TRHDE: variants seen among roughly 807,000 people sequenced by gnomAD.
TRHDE encodes the protein thyrotropin releasing hormone degrading enzyme, also known as thyrotropin-releasing hormone-degrading ectoenzyme.
A neutral mutation model predicts 125.7 loss-of-function variants in TRHDE; 72 were observed. That is an observed-to-expected ratio of 0.57 (90% CI 0.47 to 0.70). The LOEUF (loss-of-function observed/expected upper bound fraction) is 0.70, where lower values mean the gene tolerates loss of function less well. Among genes scored for constraint, TRHDE ranks in the 30% least tolerant of loss-of-function variants. TRHDE has a pLI of 0.00. For synonymous variants in TRHDE, 509 were observed against 509.1 expected (o/e 1.00, Z 0.00); for missense variants, 1,110 against 1,327.1 (o/e 0.84, Z 2.54).
intron 2 of TRHDE, among the ~76,000 whole-genome samples, chr12:72,131,900 G>A (rs551550475): frequency 2.0e-5 from 3 of 152,326 alleles, no homozygotes; most frequent in African/African-American, 7.2e-5. Context: ...AGGAGGCAAG[G>A]CAAGTCACAT....
chr12:72,541,109 A>G lies in TRHDE; in HGVS notation c.1723-1182A>G, dbSNP rs544698209. 2.4e-3 allele frequency among the ~76,000 whole-genome samples: 363 copies of G among 151,678 alleles called. 2 individuals carry two copies. The highest frequency in any genetic ancestry group is 8.3e-3 in the African/African-American group (344 of 41,486). On this transcript the variant is annotated intron_variant, in intron 6 of 18. Transcript: ENST00000261180. The stretch of plus-strand genomic sequence containing the variant: ...CTGAATGATTCTATATGTGATTCTT[A>G]CGATTTTCTTGTAAAAAGAGACATC...
chr12:72,546,803 T>C (rs1869442013), intron 7 of TRHDE, among the ~76,000 whole-genome samples: 1 of 151,606 alleles, frequency 6.6e-6, no homozygotes, highest in South Asian at 2.1e-4. Context: ...AGGGAAGTAA[T>C]ACACAAATTC....
chr12:72,222,731 G>T (rs1878026581), intron 2 of TRHDE, among the ~76,000 whole-genome samples: 1 of 152,098 alleles, frequency 6.6e-6, no homozygotes, highest in African/African-American at 2.4e-5. Flanking sequence ...TTTCAGGATT[G>T]TTCCAGACCC....
intron 2 of TRHDE, among the ~76,000 whole-genome samples, chr12:72,223,977 A>G (rs1878051752): frequency 6.6e-6 from 1 of 151,816 alleles, no homozygotes; most frequent in African/African-American, 2.4e-5. Flanking sequence ...GGCCAGACGT[A>G]AAGGACGGGT....
At chr12:72,135,203 A>G (rs1279470350) in intron 2 of TRHDE, among the ~76,000 whole-genome samples, 4 of 152,200 alleles carry the variant, frequency 2.6e-5, no homozygotes, top group Non-Finnish European at 5.9e-5. Context: ...CAGAGGCGTA[A>G]TCGGAATGAC....
chr12:72,360,887 T>A (rs190114768), intron 2 of TRHDE, among the ~76,000 whole-genome samples: 13 of 151,774 alleles, frequency 8.6e-5, no homozygotes, highest in Non-Finnish European at 2.9e-5. Flanking sequence ...GTTACATAGG[T>A]AAACGTGTGC....
intron 6 of TRHDE, among the ~76,000 whole-genome samples, chr12:72,534,293 G>C (rs1868732417): frequency 6.6e-6 from 1 of 152,188 alleles, no homozygotes; most frequent in African/African-American, 2.4e-5. Context: ...AAATTGCTTA[G>C]TTCAGACTTA....
chr12:72,615,674 T>C (rs1872786820), intron 12 of TRHDE, among the ~76,000 whole-genome samples: 1 of 152,102 alleles, frequency 6.6e-6, no homozygotes, highest in African/African-American at 2.4e-5. Context: ...AGGAGGGCAA[T>C]TTGAGTATAA....
intron 2 of TRHDE, among the ~76,000 whole-genome samples, chr12:72,293,199 T>G (rs571607794): frequency 2.1e-5 from 3 of 141,602 alleles, no homozygotes; most frequent in Admixed American, 6.9e-5. Flanking sequence ...GGAATATTTG[T>G]TTTTTTTTTT....
chr12:72,592,936 C>T (rs1337842508), intron 12 of TRHDE, among the ~76,000 whole-genome samples: 1 of 152,140 alleles, frequency 6.6e-6, no homozygotes, highest in Non-Finnish European at 1.5e-5. Flanking sequence ...TGGTCTTGAA[C>T]TCCTGACCTC....
At chr12:72,243,312 C>T (rs1331461889) in intron 2 of TRHDE, among the ~76,000 whole-genome samples, 1 of 152,084 alleles carries the variant, frequency 6.6e-6, no homozygotes, top group Non-Finnish European at 1.5e-5. Context: ...GTACAAGTTT[C>T]TTGTTTTTAA....
chr12:72,387,719 G>T (rs1872482438), intron 3 of TRHDE, among the ~76,000 whole-genome samples: 1 of 152,060 alleles, frequency 6.6e-6, no homozygotes, highest in Non-Finnish European at 1.5e-5. Context: ...AATCATGGGG[G>T]TGGTTTCCCT....
At chr12:72,133,599 C>T (rs2139309446) in intron 2 of TRHDE, among the ~76,000 whole-genome samples, 1 of 152,290 alleles carries the variant, frequency 6.6e-6, no homozygotes, top group Middle Eastern at 3.4e-3. Context: ...ACTAAAATTA[C>T]ATTAACATCA....
intron 1 of TRHDE, among the ~76,000 whole-genome samples, chr12:72,276,047 G>T (rs1228574893): frequency 3.3e-5 from 5 of 151,916 alleles, no homozygotes; most frequent in Admixed American, 3.3e-4. Flanking sequence ...TAAGACAAAA[G>T]AAATAAATCT....
chr12:72,670,096 G>A lies in TRHDE; in HGVS notation c.*6901G>A, dbSNP rs1875212651. The A allele has an allele frequency of 6.6e-6, 1 of 151,672 alleles. No individual in the cohort carries two copies. The highest frequency in any genetic ancestry group is 1.5e-5 in the Non-Finnish European group (1 of 67,812). The allele number at this position is 151,672 out of a possible 1,614,324, so 9.4% of individuals were successfully genotyped here. Reference sequence around the variant, plus strand: ...GGACCTAAATTTATTCAGTAATAAAGTTTACTTTCCTAAATCCATTCCCCA... The same window carrying A: ...GGACCTAAATTTATTCAGTAATAAAATTTACTTTCCTAAATCCATTCCCCA... On this transcript the variant is annotated 3_prime_UTR_variant, in exon 19 of 19. Coordinates refer to ENST00000261180, the MANE Select transcript of TRHDE (RefSeq NM_013381.3).
chr12:72,276,986 T>C (rs1329889781), intron 1 of TRHDE, among the ~76,000 whole-genome samples: 1 of 152,178 alleles, frequency 6.6e-6, no homozygotes, highest in Non-Finnish European at 1.5e-5. Flanking sequence ...GTGTTCAAAG[T>C]AGGGTACCTT....
chr12:72,446,215 A>G (rs1305148722), intron 3 of TRHDE, among the ~76,000 whole-genome samples: 6 of 147,818 alleles, frequency 4.1e-5, no homozygotes, highest in Non-Finnish European at 7.4e-5. Context: ...GGTTTGTTAC[A>G]TATGTATACA....
At chr12:72,576,994 G>A (rs931430635) in intron 12 of TRHDE, among the ~76,000 whole-genome samples, 1 of 151,896 alleles carries the variant, frequency 6.6e-6, no homozygotes, top group African/African-American at 2.4e-5. Flanking sequence ...ATAAAGGCCT[G>A]CTGAATCATG....
rs150358294 is a variant in TRHDE, at chr12:72,444,321, T to A, written c.1316-25437T>A. 6.9e-3 allele frequency among the ~76,000 whole-genome samples: 1,052 copies of A among 152,034 alleles called. 9 individuals carry two copies. Among genetic ancestry groups the A allele is most frequent in the Non-Finnish European group, 9.1e-3 (619 of 67,898 alleles). On this transcript the variant is annotated intron_variant, in intron 3 of 18. Transcript: ENST00000261180. ...CCTTATTCTAATTGCACTGTAAAAGTCTGTCTTTCATTTGCTAATCTGTGT... is the reference window on the plus strand; with the variant it reads ...CCTTATTCTAATTGCACTGTAAAAGACTGTCTTTCATTTGCTAATCTGTGT...
Sources: gnomAD v4.1 joint callset for allele counts (sites outside exome capture counted in the v4.1 genomes callset) on GRCh38, gnomAD v4.1.1 for gene constraint, MANE v1.5 for transcripts, NCBI Gene and HGNC (gene_info 2026-07-23, HGNC 2026-07-21) for gene names.